Variants in GRM7 observed in about 807,000 individuals in gnomAD.
GRM7 encodes the protein metabotropic glutamate receptor 7.
A neutral mutation model predicts 84.5 loss-of-function variants in GRM7; 35 were observed. The ratio of observed to expected loss-of-function variants is 0.41; its 90% CI spans 0.32 to 0.55. The LOEUF is 0.55. GRM7 is among the 20% of genes least tolerant of loss of function. The pLI is 0.19. For synonymous variants in GRM7, 487 were observed against 455.1 expected (o/e 1.07, Z -0.89); for missense variants, 1,003 against 1,194.6 (o/e 0.84, Z 2.36).
intron 2 of GRM7, among the ~76,000 whole-genome samples, chr3:7,196,291 A>G (rs1018613377): frequency 6.6e-6 from 1 of 152,226 alleles, no homozygotes; most frequent in Non-Finnish European, 1.5e-5. Context: ...AATTTGCTCT[A>G]CTCAAAGTCC....
At chr3:7,075,008 C>A (rs760927221) in intron 1 of GRM7, among the ~76,000 whole-genome samples, 1 of 152,160 alleles carries the variant, frequency 6.6e-6, no homozygotes, top group Non-Finnish European at 1.5e-5. Flanking sequence ...GTACTGAAGT[C>A]AAACCTTCTC....
intron 2 of GRM7, among the ~76,000 whole-genome samples, chr3:7,193,753 A>G (rs1284032731): frequency 6.6e-6 from 1 of 152,058 alleles, no homozygotes; most frequent in Non-Finnish European, 1.5e-5. Flanking sequence ...TAAGTTAAAA[A>G]CAGTATTTTC....
At chr3:7,036,842 A>T (rs1696407150) in intron 1 of GRM7, among the ~76,000 whole-genome samples, 1 of 152,148 alleles carries the variant, frequency 6.6e-6, no homozygotes, top group African/African-American at 2.4e-5. Flanking sequence ...CTCAGTCACA[A>T]CTTTTGAATA....
At chr3:7,229,212 A>G (rs1160124020) in intron 2 of GRM7, among the ~76,000 whole-genome samples, 1 of 152,212 alleles carries the variant, frequency 6.6e-6, no homozygotes, top group Non-Finnish European at 1.5e-5. Context: ...GTTAACATTC[A>G]TGACAATAAA....
At chr3:6,935,874 T>C (rs1697674603) in intron 1 of GRM7, among the ~76,000 whole-genome samples, 1 of 151,956 alleles carries the variant, frequency 6.6e-6, no homozygotes, top group African/African-American at 2.4e-5. Flanking sequence ...TTTTGTATTT[T>C]TAGTAGAGAC....
intron 4 of GRM7, among the ~76,000 whole-genome samples, chr3:7,376,512 A>G (rs1195136459): frequency 3.3e-5 from 5 of 152,194 alleles, no homozygotes; most frequent in Non-Finnish European, 7.3e-5. Flanking sequence ...CTGAGAACAC[A>G]TATATGGAGC....
intron 1 of GRM7, among the ~76,000 whole-genome samples, chr3:7,040,206 C>A (rs183051475): frequency 5.9e-5 from 9 of 152,312 alleles, no homozygotes; most frequent in African/African-American, 2.2e-4. Flanking sequence ...GTCTCTACAA[C>A]ATAGCTGAAC....
intron 1 of GRM7, among the ~76,000 whole-genome samples, chr3:6,987,382 T>G: frequency 6.7e-6 from 1 of 150,024 alleles, no homozygotes; most frequent in East Asian, 1.9e-4. Flanking sequence ...GATTTAGAAA[T>G]TATTGGTGCT....
chr3:7,043,711 G>A (rs1012712963), intron 1 of GRM7, among the ~76,000 whole-genome samples: 1 of 152,142 alleles, frequency 6.6e-6, no homozygotes, highest in Non-Finnish European at 1.5e-5. Flanking sequence ...TAATGCACCT[G>A]ATGTTCTCTT....
intron 1 of GRM7, among the ~76,000 whole-genome samples, chr3:6,943,278 C>G (rs1019540363): frequency 5.9e-5 from 9 of 151,444 alleles, no homozygotes; most frequent in African/African-American, 2.2e-4. Flanking sequence ...TGTGTGTTGT[C>G]TAACAAATCT....
chr3:6,957,791 A>G (rs1381194372), intron 1 of GRM7, among the ~76,000 whole-genome samples: 6 of 152,236 alleles, frequency 3.9e-5, no homozygotes, highest in Non-Finnish European at 8.8e-5. Context: ...GAGAAAACAC[A>G]GTGAAAAAGA....
intron 9 of GRM7, among the ~76,000 whole-genome samples, chr3:7,698,346 A>G (rs1033457129): frequency 6.6e-6 from 1 of 152,220 alleles, no homozygotes; most frequent in Non-Finnish European, 1.5e-5. Flanking sequence ...ACCAGCCACT[A>G]TTCTGTGTAC....
chr3:7,500,288 C>T (rs1699843690), intron 7 of GRM7, among the ~76,000 whole-genome samples: 1 of 152,174 alleles, frequency 6.6e-6, no homozygotes, highest in African/African-American at 2.4e-5. Flanking sequence ...ATATATCAAC[C>T]ATCATCAAAT....
intron 1 of GRM7, among the ~76,000 whole-genome samples, chr3:6,994,448 T>C (rs1331602109): frequency 1.3e-5 from 2 of 152,226 alleles, no homozygotes; most frequent in African/African-American, 4.8e-5. Flanking sequence ...TAGTTGCCCT[T>C]AATAAACTGT....
chr3:6,947,311 A>C (rs148301989), intron 1 of GRM7, among the ~76,000 whole-genome samples: 74 of 152,144 alleles, frequency 4.9e-4, no homozygotes, highest in East Asian at 7.7e-4. Flanking sequence ...TTGAGATAAT[A>C]ATGTGGTTTT....
chr3:7,487,157 A>G (rs1280285346), intron 7 of GRM7, among the ~76,000 whole-genome samples: 1 of 152,162 alleles, frequency 6.6e-6, no homozygotes, highest in Non-Finnish European at 1.5e-5. Flanking sequence ...GGATTTCTGG[A>G]AGAGATTTCT....
chr3:7,267,224 T>C (rs1698675628), intron 2 of GRM7, among the ~76,000 whole-genome samples: 1 of 152,234 alleles, frequency 6.6e-6, no homozygotes, highest in Non-Finnish European at 1.5e-5. Flanking sequence ...GAAAGTGTTA[T>C]ATATTTTGGC....
chr3:7,642,842 G>A (rs1400894966), intron 8 of GRM7, among the ~76,000 whole-genome samples: 5 of 152,110 alleles, frequency 3.3e-5, no homozygotes, highest in African/African-American at 1.2e-4. Flanking sequence ...ATGAGAACAT[G>A]AAAACAAATG....
chr3:7,112,445 C>T (rs539063944), intron 1 of GRM7, among the ~76,000 whole-genome samples: 2 of 152,130 alleles, frequency 1.3e-5, no homozygotes, highest in South Asian at 2.1e-4. Flanking sequence ...AGGATGGTCT[C>T]GATCTCCTGA....
Sources: allele counts gnomAD v4.1 joint callset (sites outside exome capture counted in the v4.1 genomes callset), GRCh38; gene constraint gnomAD v4.1.1; transcripts MANE v1.5; gene names NCBI Gene and HGNC (gene_info 2026-07-23, HGNC 2026-07-21).